Variants in NBAS observed in about 807,000 individuals in gnomAD.
The protein encoded by NBAS is NBAS subunit of NRZ tethering complex.
In NBAS, 219 loss-of-function variants were observed where a neutral mutation model predicts 302.5. The observed-to-expected ratio is 0.72, with a 90% confidence interval of 0.65 to 0.81. The LOEUF is 0.81. Ranked by LOEUF, NBAS falls within the 30% of genes least tolerant of loss-of-function variation. The probability of loss-of-function intolerance (pLI) is 0.00; values close to 1 mark genes in which losing one functional copy is unlikely to be tolerated. For synonymous variants in NBAS, 1,118 were observed against 1,021.6 expected (o/e 1.09, Z -1.80); for missense variants, 2,932 against 2,841.6 (o/e 1.03, Z -0.72).
At position 15,167,051 on chromosome 2, in the gene NBAS, C is replaced by A; in HGVS notation, c.7113G>T (p.Val2371=). Residue 2371 remains valine, a synonymous_variant, in exon 52 of 52, where the codon GTG becomes GTT. Coordinates refer to ENST00000281513, the MANE Select transcript of NBAS (RefSeq NM_015909.4). The part of the protein sequence containing the change: ...STALRAAQHW[V] ...GGAGCAGGGCCACAGGTGGCCCTCA[C>A]ACCCAGTGCTGTGCTGCGCGGAGGG... 6.4e-7 allele frequency: 1 copy of A among 1,555,914 alleles called. No homozygotes were observed.
chr2:15,330,250 G>C (rs1351226330), intron 36 of NBAS, among the ~76,000 whole-genome samples: 2 of 152,144 alleles, frequency 1.3e-5, no homozygotes, highest in African/African-American at 4.8e-5. Flanking sequence ...TCCTTCCTGA[G>C]AGCCCCCAGT....
intron 11 of NBAS, among the ~76,000 whole-genome samples, chr2:15,495,215 C>T (rs1268979228): frequency 6.6e-6 from 1 of 152,186 alleles, no homozygotes; most frequent in Non-Finnish European, 1.5e-5. Context: ...AACCGGCCTG[C>T]ACCCACTTGT....
the NBAS span, among the ~76,000 whole-genome samples, chr2:15,028,370 C>A: frequency 6.6e-6 from 1 of 152,152 alleles, no homozygotes; most frequent in Non-Finnish European, 1.5e-5. Flanking sequence ...TGACACGTAA[C>A]AAAATTGGAG....
the NBAS span, among the ~76,000 whole-genome samples, chr2:14,837,194 G>C: frequency 6.6e-6 from 1 of 151,708 alleles, no homozygotes; most frequent in African/African-American, 2.4e-5. Context: ...TCAGGATTAA[G>C]AAAAAGCAAT....
Position 15,167,056 on chromosome 2 carries a change from A to AGTGCT in NBAS, c.7103_7107dup (p.Trp2370SerfsTer?). On this transcript the variant is annotated frameshift_variant, in exon 52 of 52. Coordinates refer to ENST00000281513, the MANE Select transcript of NBAS (RefSeq NM_015909.4). LOFTEE classifies it high-confidence loss of function. ...AGGGCCACAGGTGGCCCTCACACCCAGTGCTGTGCTGCGCGGAGGGCTGTA... is the reference window on the plus strand; with the variant it reads ...AGGGCCACAGGTGGCCCTCACACCCAGTGCTGTGCTGTGCTGCGCGGAGGGCTGTA... 2 of 1,562,136 alleles carry AGTGCT rather than the reference A, an allele frequency of 1.3e-6. No individual in the cohort carries two copies. Among genetic ancestry groups the AGTGCT allele is most frequent in the Non-Finnish European group, 1.7e-6 (2 of 1,151,542 alleles).
At chr2:15,482,927 C>T (rs1429862895) in intron 12 of NBAS, among the ~76,000 whole-genome samples, 1 of 152,134 alleles carries the variant, frequency 6.6e-6, no homozygotes, top group East Asian at 1.9e-4. Context: ...CCCCACCCGA[C>T]ATATTCATGC....
chr2:15,390,543 G>A (rs572687653), intron 28 of NBAS, among the ~76,000 whole-genome samples: 30 of 152,208 alleles, frequency 2.0e-4, no homozygotes, highest in South Asian at 1.7e-3. Flanking sequence ...AGAACTATAC[G>A]TAATAAAATT....
At chr2:15,279,727 C>T (rs1032467941) in intron 42 of NBAS, among the ~76,000 whole-genome samples, 4 of 152,166 alleles carry the variant, frequency 2.6e-5, no homozygotes, top group Non-Finnish European at 5.9e-5. Context: ...AATACCTTTA[C>T]TGACTCATGA....
chr2:15,210,283 AT>A (rs1230811428), intron 48 of NBAS, among the ~76,000 whole-genome samples: 1 of 152,116 alleles, frequency 6.6e-6, no homozygotes, highest in African/African-American at 2.4e-5. Flanking sequence ...TAGAAAAAAA[AT>A]AATTATCTGG....
the NBAS span, among the ~76,000 whole-genome samples, chr2:14,979,569 C>A: frequency 6.6e-6 from 1 of 152,110 alleles, no homozygotes; most frequent in African/African-American, 2.4e-5. Flanking sequence ...CACAGAGGGG[C>A]AGAGCTGGGA....
At chr2:15,186,109 C>CACACACAT (rs780674526) in intron 50 of NBAS, among the ~76,000 whole-genome samples, 1 of 144,918 alleles carries the variant, frequency 6.9e-6, no homozygotes, top group African/African-American at 2.6e-5. Context: ...CACACACACA[C>CACACACAT]ATATGTGTAT....
intron 33 of NBAS, among the ~76,000 whole-genome samples, chr2:15,354,689 G>T (rs1162145964): frequency 6.6e-6 from 1 of 152,178 alleles, no homozygotes; most frequent in Non-Finnish European, 1.5e-5. Flanking sequence ...TAAAGCCAAA[G>T]ATCCTCTCTG....
intron 42 of NBAS, among the ~76,000 whole-genome samples, chr2:15,284,947 T>A (rs1327102993): frequency 6.6e-6 from 1 of 152,166 alleles, no homozygotes; most frequent in Non-Finnish European, 1.5e-5. Flanking sequence ...GCCTTGCACA[T>A]CACTCGATTG....
At chr2:15,068,645 G>A in the NBAS span, among the ~76,000 whole-genome samples, 1 of 152,196 alleles carries the variant, frequency 6.6e-6, no homozygotes, top group African/African-American at 2.4e-5. Flanking sequence ...GTAGTTAATA[G>A]GGGTAGTAGT....
At chr2:14,793,159 A>G in the NBAS span, among the ~76,000 whole-genome samples, 1 of 152,132 alleles carries the variant, frequency 6.6e-6, no homozygotes, top group Non-Finnish European at 1.5e-5. Context: ...AGGATTCACC[A>G]GAAAATCAGT....
chr2:15,367,182 C>T (rs2148341406), intron 31 of NBAS, among the ~76,000 whole-genome samples: 1 of 152,204 alleles, frequency 6.6e-6, no homozygotes, highest in East Asian at 1.9e-4. Context: ...ATTAACCTTC[C>T]TCCAAACATA....
the NBAS span, among the ~76,000 whole-genome samples, chr2:14,937,519 C>G: frequency 6.6e-6 from 1 of 152,102 alleles, no homozygotes; most frequent in Admixed American, 6.5e-5. Context: ...GCTGAAGAAC[C>G]CTGGAAAGCA....
At chr2:15,105,166 C>T in the NBAS span, among the ~76,000 whole-genome samples, 1 of 152,066 alleles carries the variant, frequency 6.6e-6, no homozygotes, top group Non-Finnish European at 1.5e-5. Context: ...GAACAGAAAA[C>T]CAAACACTGC....
intron 36 of NBAS, among the ~76,000 whole-genome samples, chr2:15,330,150 T>C (rs544644771): frequency 6.6e-6 from 1 of 152,322 alleles, no homozygotes; most frequent in East Asian, 1.9e-4. Flanking sequence ...ATTAAAGGAC[T>C]GCAGTATGAG....
Sources: gnomAD v4.1 joint callset for allele counts (sites outside exome capture counted in the v4.1 genomes callset) on GRCh38, gnomAD v4.1.1 for gene constraint, MANE v1.5 for transcripts, NCBI Gene and HGNC (gene_info 2026-07-23, HGNC 2026-07-21) for gene names.